GOLIM4: variants seen among roughly 807,000 people sequenced by gnomAD.
GOLIM4 encodes 130 kDa golgi-localized phosphoprotein.
A neutral mutation model predicts 107.4 loss-of-function variants in GOLIM4; 71 were observed. The observed-to-expected ratio is 0.66, with a 90% CI of 0.55 to 0.81. The LOEUF is 0.81. Ranked by LOEUF, GOLIM4 falls within the 30% of genes least tolerant of loss-of-function variation. The probability of loss-of-function intolerance (pLI) is 0.00; values close to 1 mark genes in which losing one functional copy is unlikely to be tolerated. For synonymous variants in GOLIM4, 327 were observed against 294.8 expected, an observed-to-expected ratio of 1.11 and a Z score of -1.12; for missense variants, 830 against 826.1, an observed-to-expected ratio of 1.00 and a Z score of -0.06.
At chr3:168,020,809 G>C (rs1717636317) in intron 14 of GOLIM4, among the ~76,000 whole-genome samples, 1 of 152,226 alleles carries the variant, frequency 6.6e-6, no homozygotes. Flanking sequence ...AAACTCATCT[G>C]AAAGGCAGTA....
intron 7 of GOLIM4, among the ~76,000 whole-genome samples, chr3:168,038,473 A>C: frequency 1.3e-5 from 2 of 152,230 alleles, no homozygotes; most frequent in East Asian, 3.8e-4. Context: ...CTCAAAAAAT[A>C]TCACTTAAGA....
At chr3:168,091,033 G>A (rs1374440303) in intron 1 of GOLIM4, among the ~76,000 whole-genome samples, 2 of 151,570 alleles carry the variant, frequency 1.3e-5, no homozygotes, top group East Asian at 1.9e-4. Flanking sequence ...AGCAGGGGGT[G>A]AGAGTTGGAA....
At chr3:168,036,747 A>G (rs1030606701) in intron 8 of GOLIM4, 89 bp downstream of exon 8, 3 of 1,007,086 alleles carry the variant, frequency 3.0e-6, no homozygotes, top group African/African-American at 3.2e-5. Context: ...GCTCTCCCAG[A>G]AAAGTTGGCA....
chr3:168,010,197 A>C lies in GOLIM4; in HGVS notation c.*72T>G. ...TTTGTAATTAAATATCCTAGAGTTC[A>C]GTAGGCAGATTTATGTTTGAGCAGC... On this transcript the variant is annotated 3_prime_UTR_variant, in exon 16 of 16. Transcript: ENST00000470487. The C allele has an allele frequency of 7.3e-7, 1 of 1,363,588 alleles. No homozygotes were observed. The highest frequency in any genetic ancestry group is 1.9e-4 in the Middle Eastern group (1 of 5,380). 84.5% of individuals were successfully genotyped at this position (1,363,588 alleles called of 1,614,324 possible). A position where few individuals can be genotyped will look rare whatever the true frequency, so the allele number is the denominator to read the frequency against.
intron 14 of GOLIM4, among the ~76,000 whole-genome samples, chr3:168,015,617 A>AT (rs1309482539): frequency 7.3e-6 from 1 of 136,726 alleles, no homozygotes; most frequent in Non-Finnish European, 1.5e-5. Flanking sequence ...AGCCGGAGGC[A>AT]TCACACTACC....
intron 14 of GOLIM4, among the ~76,000 whole-genome samples, chr3:168,015,655 A>G (rs1717321724): frequency 1.5e-5 from 2 of 136,700 alleles, no homozygotes; most frequent in Admixed American, 7.0e-5. Context: ...ACAAGGCTAC[A>G]GTAACCAAAA....
chr3:168,080,236 T>TC (rs1260864925), intron 1 of GOLIM4, among the ~76,000 whole-genome samples: 1 of 152,180 alleles, frequency 6.6e-6, no homozygotes, highest in African/African-American at 2.4e-5. Flanking sequence ...GTCACTGCTG[T>TC]CCAACAGAAA....
In GOLIM4 at chr3:168,025,083, C is replaced by T. The variant is rs1437918002; in HGVS notation, c.1636G>A (p.Glu546Lys). 3.1e-6 allele frequency: 5 copies of T among 1,612,428 alleles called. No individual in the cohort carries two copies. Among genetic ancestry groups the T allele is most frequent in the Non-Finnish European group, 2.5e-6 (3 of 1,179,130 alleles). The change falls in exon 13 of 16, where the codon GAA (glutamate) becomes AAA (lysine). Residue 546 changes from glutamate to lysine, a missense_variant. Glu to Lys is a moderately conservative substitution (Grantham distance 56). Transcript: ENST00000470487. ...GGGTCATCTGCTGGGTTTATATCTT[C>T]TACAGCTGCCCTCTGTAAAATTTTA... ...PESEADRAAVEDINPADDPNN... is the reference protein window; with the variant it reads ...PESEADRAAVKDINPADDPNN...
chr3:168,063,467 T>G (rs1720371866), intron 1 of GOLIM4, among the ~76,000 whole-genome samples: 1 of 152,178 alleles, frequency 6.6e-6, no homozygotes, highest in Non-Finnish European at 1.5e-5. Context: ...TATACTTCCT[T>G]TCTTCATACT....
In GOLIM4 at chr3:168,095,207, G is replaced by A; in HGVS notation, c.79C>T (p.Leu27Phe). The change falls in exon 1 of 16, where the codon CTC becomes TTC. Residue 27 changes from leucine (L) to phenylalanine (F), a missense_variant. Leu to Phe is a conservative substitution (Grantham distance 22, BLOSUM62 0). Coordinates refer to ENST00000470487, the MANE Select transcript of GOLIM4 (RefSeq NM_014498.5). ...LLLLTVVFGF[L>F]YGAMLYYELQ... ...TCGTAGTAGAGCATCGCGCCGTAGA[G>A]AAAGCCGAACACGACGGTCAGCAGC... 1.2e-6 allele frequency: 2 copies of A among 1,613,796 alleles called. No homozygotes were observed. The highest frequency in any genetic ancestry group is 1.7e-6 in the Non-Finnish European group (2 of 1,179,992).
chr3:168,059,975 G>A (rs368830092), intron 1 of GOLIM4, among the ~76,000 whole-genome samples: 1 of 152,332 alleles, frequency 6.6e-6, no homozygotes, highest in East Asian at 1.9e-4. Context: ...AGTCTAGAGT[G>A]ACTGAGGCAG....
intron 1 of GOLIM4, among the ~76,000 whole-genome samples, chr3:168,065,235 G>A (rs919297668): frequency 5.9e-5 from 9 of 152,196 alleles, no homozygotes; most frequent in Admixed American, 5.2e-4. Flanking sequence ...TAGTAAAGGA[G>A]AAGAGTAGTG....
At chr3:168,083,983 C>T (rs1721496631) in intron 1 of GOLIM4, among the ~76,000 whole-genome samples, 1 of 152,168 alleles carries the variant, frequency 6.6e-6, no homozygotes, top group Admixed American at 6.5e-5. Flanking sequence ...TCAGTGCTTA[C>T]ACTGTTTATC....
intron 14 of GOLIM4, among the ~76,000 whole-genome samples, chr3:168,019,378 ATATC>A (rs781550375): frequency 2.1e-4 from 32 of 152,328 alleles, no homozygotes; most frequent in African/African-American, 7.5e-4. Flanking sequence ...CACAGTATAT[ATATC>A]TAAAAACAAT....
chr3:168,035,756 A>G (rs1490934865), intron 8 of GOLIM4, among the ~76,000 whole-genome samples: 1 of 152,240 alleles, frequency 6.6e-6, no homozygotes, highest in African/African-American at 2.4e-5. Context: ...CCTACGTAAC[A>G]AACTTGCTCA....
At chr3:168,072,123 G>A (rs1720865246) in intron 1 of GOLIM4, among the ~76,000 whole-genome samples, 1 of 152,142 alleles carries the variant, frequency 6.6e-6, no homozygotes, top group African/African-American at 2.4e-5. Context: ...ATGATCTGAG[G>A]AAACAAAAGT....
intron 8 of GOLIM4, among the ~76,000 whole-genome samples, chr3:168,033,113 AC>A (rs1273922174): frequency 2.6e-4 from 39 of 152,336 alleles, no homozygotes; most frequent in African/African-American, 7.0e-4. Context: ...CCTCCAAGTA[AC>A]CAATATCTCA....
chr3:168,017,848 T>C (rs1480853190), intron 14 of GOLIM4, among the ~76,000 whole-genome samples: 1 of 152,256 alleles, frequency 6.6e-6, no homozygotes, highest in African/African-American at 2.4e-5. Context: ...AGTGTTCTAA[T>C]ACAACCTTTC....
chr3:168,093,247 T>A (rs1437367942), intron 1 of GOLIM4, among the ~76,000 whole-genome samples: 1 of 152,232 alleles, frequency 6.6e-6, no homozygotes, highest in Admixed American at 6.5e-5. Flanking sequence ...GAACAAAATA[T>A]TTTCTTGTTT....
Sources: allele counts gnomAD v4.1 joint callset (sites outside exome capture counted in the v4.1 genomes callset), GRCh38; gene constraint gnomAD v4.1.1; transcripts MANE v1.5; gene names NCBI Gene and HGNC (gene_info 2026-07-23, HGNC 2026-07-21).